GLCE: variants seen among roughly 807,000 people sequenced by gnomAD.
GLCE encodes D-glucuronyl C5-epimerase.
Under a neutral mutation model 47.9 loss-of-function variants are expected in GLCE, and 19 were observed. The observed-to-expected ratio is 0.40, with a 90% CI of 0.28 to 0.58. The LOEUF is 0.58. Ranked by LOEUF, GLCE falls within the 20% of genes least tolerant of loss-of-function variation. The probability of loss-of-function intolerance (pLI) is 0.48; values close to 1 mark genes in which losing one functional copy is unlikely to be tolerated. For synonymous variants in GLCE, 245 were observed against 263.4 expected, an observed-to-expected ratio of 0.93 and a Z score of 0.68; for missense variants, 556 against 743.3, an observed-to-expected ratio of 0.75 and a Z score of 2.93.
At chr15:69,257,734 T>A (rs1349090759) in intron 3 of GLCE, among the ~76,000 whole-genome samples, 2 of 152,140 alleles carry the variant, frequency 1.3e-5, no homozygotes, top group Non-Finnish European at 2.9e-5. Flanking sequence ...TTTTTATATA[T>A]TCTCTGGAGG....
At chr15:69,218,840 C>T (rs1169205821) in intron 2 of GLCE, among the ~76,000 whole-genome samples, 1 of 152,126 alleles carries the variant, frequency 6.6e-6, no homozygotes, top group Non-Finnish European at 1.5e-5. Context: ...CACATATCTG[C>T]ATTGCTGTTA....
chr15:69,221,589 A>G (rs1340360793), intron 2 of GLCE, among the ~76,000 whole-genome samples: 2 of 152,010 alleles, frequency 1.3e-5, no homozygotes, highest in Non-Finnish European at 2.9e-5. Context: ...TAGGCTGGGC[A>G]CGGTGGCTCA....
At chr15:69,234,019 C>T (rs919213183) in intron 2 of GLCE, among the ~76,000 whole-genome samples, 2 of 151,454 alleles carry the variant, frequency 1.3e-5, no homozygotes, top group African/African-American at 2.4e-5. Flanking sequence ...CTCTTGTTGC[C>T]CAGGCTGGAG....
At chr15:69,162,097 C>T (rs1274868028) in intron 1 of GLCE, among the ~76,000 whole-genome samples, 1 of 152,126 alleles carries the variant, frequency 6.6e-6, no homozygotes, top group African/African-American at 2.4e-5. Flanking sequence ...AATTCAGCCT[C>T]CAGAAAACAA....
At chr15:69,180,409 G>C (rs1172463947) in intron 1 of GLCE, among the ~76,000 whole-genome samples, 1 of 152,122 alleles carries the variant, frequency 6.6e-6, no homozygotes, top group Non-Finnish European at 1.5e-5. Flanking sequence ...AAAAATGTAA[G>C]TTTACAGCAT....
intron 2 of GLCE, among the ~76,000 whole-genome samples, chr15:69,230,428 A>G (rs1200553262): frequency 1.3e-5 from 2 of 152,178 alleles, no homozygotes; most frequent in African/African-American, 2.4e-5. Flanking sequence ...ATTAAAATAG[A>G]TGAAGGAAAA....
At chr15:69,249,994 G>C (rs992224834) in intron 2 of GLCE, among the ~76,000 whole-genome samples, 2 of 152,026 alleles carry the variant, frequency 1.3e-5, no homozygotes, top group Non-Finnish European at 2.9e-5. Flanking sequence ...GATCTCCAGC[G>C]TTATAAGACC....
chr15:69,224,664 A>T (rs552499135), intron 2 of GLCE, among the ~76,000 whole-genome samples: 1 of 152,358 alleles, frequency 6.6e-6, no homozygotes, highest in South Asian at 2.1e-4. Context: ...GGCTCCTGCA[A>T]GCTGAGTACA....
At chr15:69,197,135 C>T (rs1159175076) in intron 1 of GLCE, 2 of 380,008 alleles carry the variant, frequency 5.3e-6, no homozygotes, top group Non-Finnish European at 5.2e-6. Flanking sequence ...CATAAAGGGC[C>T]CAGTCCTTCG....
intron 2 of GLCE, among the ~76,000 whole-genome samples, chr15:69,243,655 G>A (rs562221162): frequency 6.6e-6 from 1 of 151,300 alleles, no homozygotes; most frequent in Non-Finnish European, 1.5e-5. Context: ...CATTCTAAGG[G>A]TAATTACAAT....
rs376197855 is a variant in GLCE at position 69,227,628 on chromosome 15, T to TA, written c.-14+17228dup. Among the ~76,000 whole-genome samples the TA allele has an allele frequency of 4.8e-4, 73 of 152,326 alleles. 1 individual carries two copies. The highest frequency in any genetic ancestry group is 1.7e-3 in the African/African-American group (71 of 41,574). On this transcript the variant is annotated intron_variant, in intron 2 of 4. Transcript: ENST00000261858. ...CTGCAAGTATAGCTAAACCATCATT[T>TA]AAAAAACAGTCTTTGTGTGCAGCAA...
At chr15:69,161,428 C>G (rs1183345732) in intron 1 of GLCE, among the ~76,000 whole-genome samples, 1 of 151,776 alleles carries the variant, frequency 6.6e-6, no homozygotes, top group Non-Finnish European at 1.5e-5. Flanking sequence ...CGGCGACCAG[C>G]GTCTGGCCGG....
intron 1 of GLCE, among the ~76,000 whole-genome samples, chr15:69,169,416 T>A (rs980610282): frequency 6.6e-6 from 1 of 151,142 alleles, no homozygotes; most frequent in Admixed American, 6.5e-5. Context: ...TTTTTTTTAA[T>A]TATACTTTAA....
intron 1 of GLCE, among the ~76,000 whole-genome samples, chr15:69,174,901 T>C (rs1449475787): frequency 2.0e-5 from 3 of 152,212 alleles, no homozygotes; most frequent in African/African-American, 4.8e-5. Context: ...TATTTTTCTT[T>C]CTTTTCTAAC....
intron 2 of GLCE, among the ~76,000 whole-genome samples, chr15:69,227,629 A>G (rs889677285): frequency 6.6e-6 from 1 of 152,076 alleles, no homozygotes; most frequent in African/African-American, 2.4e-5. Context: ...ACCATCATTT[A>G]AAAAACAGTC....
rs530554736 is a variant in GLCE at position 69,198,433 on chromosome 15, A to G, written c.-104-11883A>G. On this transcript the variant is annotated intron_variant, in intron 1 of 4. Transcript: ENST00000261858. Reference sequence around the variant, plus strand: ...GGGTCTCTTACAAGGTTATGAACCAATGTGTTGACAGGGCCTGAAGTCTCA... The same window carrying G: ...GGGTCTCTTACAAGGTTATGAACCAGTGTGTTGACAGGGCCTGAAGTCTCA... 1.1e-4 allele frequency among the ~76,000 whole-genome samples: 16 copies of G among 152,266 alleles called. No homozygotes were observed. The East Asian group carries it at 2.9e-3, about 28-fold the overall frequency.
chr15:69,201,999 A>C (rs2052082006), intron 1 of GLCE, among the ~76,000 whole-genome samples: 1 of 152,000 alleles, frequency 6.6e-6, no homozygotes, highest in African/African-American at 2.4e-5. Context: ...GGCTCACTGT[A>C]GCCTTGACCT....
intron 1 of GLCE, among the ~76,000 whole-genome samples, chr15:69,196,256 G>A (rs2051989706): frequency 6.6e-6 from 1 of 152,098 alleles, no homozygotes; most frequent in South Asian, 2.1e-4. Context: ...TTAGGCTGGT[G>A]CAGACATAAT....
intron 1 of GLCE, among the ~76,000 whole-genome samples, chr15:69,200,041 G>A (rs1371254551): frequency 6.6e-6 from 1 of 152,062 alleles, no homozygotes; most frequent in Admixed American, 6.6e-5. Context: ...GCAGAGCAAA[G>A]ACTTCCTTAA....
Sources: allele counts gnomAD v4.1 joint callset (sites outside exome capture counted in the v4.1 genomes callset), GRCh38; gene constraint gnomAD v4.1.1; transcripts MANE v1.5; gene names NCBI Gene and HGNC (gene_info 2026-07-23, HGNC 2026-07-21).